The following ADGRE1 variants were observed in gnomAD, a reference collection of about 807,000 sequenced individuals.
ADGRE1 encodes the protein adhesion G protein-coupled receptor E1.
A neutral mutation model predicts 102.7 loss-of-function variants in ADGRE1; 82 were observed. The ratio of observed to expected loss-of-function variants is 0.80; its 90% CI spans 0.67 to 0.96. ADGRE1 has a LOEUF of 0.96. Ranked by LOEUF, ADGRE1 falls within the 40% of genes least tolerant of loss-of-function variation. The pLI, the probability that ADGRE1 is intolerant of heterozygous loss-of-function variation, is 0.00. For missense variants in ADGRE1, 1,032 were observed against 1,085.3 expected, an observed-to-expected ratio of 0.95 and a Z score of 0.69; for synonymous variants, 398 against 399.6, an observed-to-expected ratio of 1.00 and a Z score of 0.05.
chr19:6,918,356 G>T (rs930662521), intron 12 of ADGRE1, among the ~76,000 whole-genome samples: 2 of 151,968 alleles, frequency 1.3e-5, no homozygotes, highest in Non-Finnish European at 2.9e-5. Flanking sequence ...CAGGAGAATC[G>T]CTTGAACCCG....
intron 2 of ADGRE1, among the ~76,000 whole-genome samples, chr19:6,891,698 C>G (rs963603788): frequency 5.3e-5 from 8 of 152,092 alleles, no homozygotes; most frequent in Non-Finnish European, 1.2e-4. Context: ...ATCTGCTCAC[C>G]CCAGCCTTCC....
intron 17 of ADGRE1, 181 bp downstream of exon 17, chr19:6,928,392 G>A: frequency 7.1e-7 from 1 of 1,410,634 alleles, no homozygotes; most frequent in Non-Finnish European, 9.3e-7. Context: ...TTGGGAGGCT[G>A]AGGCGGGTGG....
intron 11 of ADGRE1, among the ~76,000 whole-genome samples, chr19:6,914,249 C>G (rs933714284): frequency 6.6e-6 from 1 of 152,164 alleles, no homozygotes; most frequent in Non-Finnish European, 1.5e-5. Context: ...ATGAGACTTT[C>G]CAGAACTTTC....
At position 6,926,416 on chromosome 19, in the gene ADGRE1, C is replaced by T; in HGVS notation, c.2037C>T (p.Cys679=). 1 of 1,614,238 alleles carries T rather than the reference C, an allele frequency of 6.2e-7. No individual in the cohort carries two copies. Among genetic ancestry groups the T allele is most frequent in the Non-Finnish European group, 8.5e-7 (1 of 1,180,042 alleles). ...TCCTGCACTACCTTTTCCTTGCCTG[C>T]TTCTTCTGGATGCTGGTGGAGGCTG... is the stretch of plus-strand genomic sequence containing the variant. ...AGFLHYLFLA[C]FFWMLVEAVI... Residue 679 remains cysteine (C), a synonymous_variant, in exon 16 of 21, where the codon TGC becomes TGT. Coordinates refer to ENST00000312053, the MANE Select transcript of ADGRE1 (RefSeq NM_001974.5).
At chr19:6,908,352 T>G (rs976439282) in intron 9 of ADGRE1, among the ~76,000 whole-genome samples, 62 of 152,230 alleles carry the variant, frequency 4.1e-4, no homozygotes, top group African/African-American at 1.4e-3. Flanking sequence ...GTGAGACCCC[T>G]GATTTCCCAC....
intron 8 of ADGRE1, among the ~76,000 whole-genome samples, chr19:6,905,766 G>T (rs910319825): frequency 1.3e-5 from 2 of 152,084 alleles, no homozygotes; most frequent in African/African-American, 4.8e-5. Context: ...TTAAAAATAT[G>T]TGTAACTTAT....
chr19:6,908,941 C>T (rs1599732247), intron 10 of ADGRE1, among the ~76,000 whole-genome samples, 169 bp downstream of exon 10: 1 of 152,044 alleles, frequency 6.6e-6, no homozygotes, highest in Non-Finnish European at 1.5e-5. Flanking sequence ...CAAGACCAGC[C>T]TAGCCAACAT....
At chr19:6,907,712 A>G (rs1370925196) in intron 9 of ADGRE1, among the ~76,000 whole-genome samples, 1 of 152,086 alleles carries the variant, frequency 6.6e-6, no homozygotes, top group Admixed American at 6.6e-5. Flanking sequence ...GCAAACACTA[A>G]TCAGCTTTCT....
chr19:6,909,087 T>C (rs1974078610), intron 10 of ADGRE1, among the ~76,000 whole-genome samples: 1 of 147,000 alleles, frequency 6.8e-6, no homozygotes, highest in Non-Finnish European at 1.5e-5. Context: ...TGAGCCAAGA[T>C]AGCACCACTG....
At chr19:6,922,052 G>T (rs574093569) in intron 14 of ADGRE1, among the ~76,000 whole-genome samples, 169 bp downstream of exon 14, 1 of 152,158 alleles carries the variant, frequency 6.6e-6, no homozygotes, top group East Asian at 1.9e-4. Context: ...AGAATTTACA[G>T]TCTGGTTGGG....
chr19:6,896,287 G>A, intron 2 of ADGRE1, 111 bp from the exon 3 acceptor site: 3 of 1,063,930 alleles, frequency 2.8e-6, no homozygotes, highest in Admixed American at 2.2e-5. Flanking sequence ...TCTTTTGGGA[G>A]GAACACAATC....
Position 6,933,398 on chromosome 19 carries a change from T to TTC in ADGRE1, c.2290-1588_2290-1587insCT, listed in dbSNP as rs1044085540. 2.2e-4 allele frequency among the ~76,000 whole-genome samples: 34 copies of TTC among 151,612 alleles called. 1 individual carries two copies. Among genetic ancestry groups the TTC allele is most frequent in the Middle Eastern group, 3.4e-3 (1 of 294 alleles). On this transcript the variant is annotated intron_variant, in intron 17 of 20. Coordinates refer to ENST00000312053, the MANE Select transcript of ADGRE1 (RefSeq NM_001974.5). ...AAAGTGTGAAGACTTTTTTTTTTTT[T>TTC]TTTTTTGAGACAGAGTTTCGCTCTT... is the stretch of plus-strand genomic sequence containing the variant.
intron 16 of ADGRE1, 128 bp from the exon 17 acceptor site, chr19:6,928,017 A>T: frequency 8.5e-7 from 1 of 1,179,216 alleles, no homozygotes; most frequent in South Asian, 1.6e-5. Context: ...TGCAACCGGG[A>T]CCATCCTGAG....
At chr19:6,913,859 C>T (rs1974287136) in intron 11 of ADGRE1, 29 bp downstream of exon 11, 2 of 1,514,888 alleles carry the variant, frequency 1.3e-6, no homozygotes, top group South Asian at 2.6e-5. Context: ...GGCAAGGTTA[C>T]ACCTAGGGGA....
intron 2 of ADGRE1, among the ~76,000 whole-genome samples, chr19:6,893,836 C>G (rs1470506308): frequency 1.3e-5 from 2 of 152,150 alleles, no homozygotes; most frequent in Non-Finnish European, 2.9e-5. Context: ...GAAATGGGTC[C>G]CACTGGGCTA....
In ADGRE1 at chr19:6,896,474, T is replaced by C. The variant is rs539077851; in HGVS notation, c.171T>C (p.Ala57=). The C allele has an allele frequency of 2.5e-6, 4 of 1,614,136 alleles. No individual in the cohort carries two copies. In the African/African-American group the frequency reaches 4.0e-5, roughly 16 times the overall value. ...CTNTVDSYYC[A]CKQGFLSSNG... Reference sequence around the variant, plus strand: ...ATACAGTGGACAGTTACTATTGCGCTTGCAAACAAGGCTTCCTGTCCAGCA... The same window carrying C: ...ATACAGTGGACAGTTACTATTGCGCCTGCAAACAAGGCTTCCTGTCCAGCA... Residue 57 remains alanine, a synonymous_variant, in exon 3 of 21, where the codon GCT becomes GCC. Transcript: ENST00000312053.
Position 6,928,125 on chromosome 19 carries a change from C to A in ADGRE1, c.2223-20C>A. On this transcript the variant is annotated intron_variant, in intron 16 of 20. Coordinates refer to ENST00000312053, the MANE Select transcript of ADGRE1 (RefSeq NM_001974.5). ...CAGGACTCTGAGACAAGCGCTGACTCCTCCTATTTCTCTCCACAGCTGCTG... is the reference window on the plus strand; with the variant it reads ...CAGGACTCTGAGACAAGCGCTGACTACTCCTATTTCTCTCCACAGCTGCTG... 1 of 1,611,230 alleles carries A rather than the reference C, an allele frequency of 6.2e-7. No individual in the cohort carries two copies. The highest frequency in any genetic ancestry group is 8.5e-7 in the Non-Finnish European group (1 of 1,178,524).
intron 16 of ADGRE1, 112 bp from the exon 17 acceptor site, chr19:6,928,033 T>C: frequency 1.5e-6 from 2 of 1,329,806 alleles, no homozygotes; most frequent in Non-Finnish European, 1.0e-6. Context: ...CTGAGCATCA[T>C]CTGAGTCTCA....
intron 18 of ADGRE1, among the ~76,000 whole-genome samples, chr19:6,936,977 C>T (rs768307472): frequency 2.6e-5 from 4 of 151,950 alleles, no homozygotes; most frequent in Admixed American, 6.6e-5. Flanking sequence ...AGGCTGGTCT[C>T]GAACTTCTGT....
Sources: allele counts gnomAD v4.1 joint callset (sites outside exome capture counted in the v4.1 genomes callset), GRCh38; gene constraint gnomAD v4.1.1; transcripts MANE v1.5; gene names NCBI Gene and HGNC (gene_info 2026-07-23, HGNC 2026-07-21).